PCDH17: variants seen among roughly 807,000 people sequenced by gnomAD.
PCDH17 encodes the protein protocadherin 17.
In PCDH17, 21 loss-of-function variants were observed where a neutral mutation model predicts 67.7. That is an observed-to-expected ratio of 0.31 (90% CI 0.22 to 0.45). The LOEUF (loss-of-function observed/expected upper bound fraction) is 0.45. Among genes scored for constraint, PCDH17 ranks in the 20% least tolerant of loss-of-function variants. PCDH17 has a pLI of 1.00. For synonymous variants in PCDH17, 701 were observed against 656.7 expected (o/e 1.07, Z -1.03); for missense variants, 1,471 against 1,564.8 (o/e 0.94, Z 1.01).
intron 3 of PCDH17, among the ~76,000 whole-genome samples, chr13:57,714,268 C>A (rs757203050): frequency 4.1e-4 from 62 of 151,500 alleles, no homozygotes; most frequent in Non-Finnish European, 8.3e-4. Flanking sequence ...ACAAGATGAA[C>A]AACAGGATTT....
intron 3 of PCDH17, among the ~76,000 whole-genome samples, chr13:57,717,957 T>A (rs1955836229): frequency 6.6e-6 from 1 of 152,014 alleles, no homozygotes; most frequent in South Asian, 2.1e-4. Context: ...CCTCATTATA[T>A]CACTGCCAAC....
At chr13:57,690,083 C>G (rs1255093884) in intron 3 of PCDH17, among the ~76,000 whole-genome samples, 1 of 151,684 alleles carries the variant, frequency 6.6e-6, no homozygotes, top group Non-Finnish European at 1.5e-5. Context: ...TCTTCAGAAT[C>G]TTCACATAAC....
At chr13:57,668,457 T>A (rs990839454) in intron 3 of PCDH17, among the ~76,000 whole-genome samples, 4 of 152,102 alleles carry the variant, frequency 2.6e-5, no homozygotes, top group Admixed American at 2.6e-4. Flanking sequence ...AAACTGCTGT[T>A]CACATTAACT....
At chr13:57,644,129 C>T (rs977984795) in intron 1 of PCDH17, among the ~76,000 whole-genome samples, 2 of 151,536 alleles carry the variant, frequency 1.3e-5, no homozygotes, top group Non-Finnish European at 3.0e-5. Flanking sequence ...GGCAGATGCA[C>T]GGGTAGTAAT....
At chr13:57,708,220 T>C (rs1955739222) in intron 3 of PCDH17, among the ~76,000 whole-genome samples, 2 of 152,028 alleles carry the variant, frequency 1.3e-5, no homozygotes, top group African/African-American at 2.4e-5. Flanking sequence ...TTCTACGTAG[T>C]AAAATGGTTA....
chr13:57,693,129 T>C (rs778305109), intron 3 of PCDH17, among the ~76,000 whole-genome samples: 107 of 150,434 alleles, frequency 7.1e-4, no homozygotes, highest in Non-Finnish European at 1.4e-3. Context: ...ATTTCCACTT[T>C]CATTTATTTC....
chr13:57,690,927 T>G (rs61961891), intron 3 of PCDH17, among the ~76,000 whole-genome samples: 7,702 of 151,570 alleles, frequency 0.051, 259 homozygotes, highest in Middle Eastern at 0.095. Context: ...GAAAATGATA[T>G]CCCTTGTGGT....
At chr13:57,703,944 A>G (rs1285221551) in intron 3 of PCDH17, among the ~76,000 whole-genome samples, 4 of 152,046 alleles carry the variant, frequency 2.6e-5, no homozygotes, top group Non-Finnish European at 4.4e-5. Flanking sequence ...TGTATAGTCT[A>G]CCAGTGATGT....
Position 57,729,221 on chromosome 13 carries a change from A to G in PCDH17, c.*3927A>G, listed in dbSNP as rs1055907243. ...CAACAACAAAAGCAGCATACATTGT[A>G]TGGATTTATCTCAACGCTATTGTTT... On this transcript the variant is annotated 3_prime_UTR_variant, in exon 4 of 4. Transcript: ENST00000377918. The G allele has an allele frequency of 2.0e-5, 3 of 152,140 alleles. No homozygotes were observed. The highest frequency in any genetic ancestry group is 7.2e-5 in the African/African-American group (3 of 41,454). The allele number at this position is 152,140 out of a possible 1,614,324, so 9.4% of individuals were successfully genotyped here.
At chr13:57,676,486 T>A (rs1381083810) in intron 3 of PCDH17, among the ~76,000 whole-genome samples, 1 of 151,866 alleles carries the variant, frequency 6.6e-6, no homozygotes, top group Non-Finnish European at 1.5e-5. Context: ...AAGAGGCAAC[T>A]GGCAATTACA....
rs535137053 is a variant in PCDH17, at chr13:57,651,916, A to T, written c.2566-14552A>T. ...CTTTAGGGTACTGATTTGCAAACAT[A>T]TTCTCTATAAAAACAATATTTCACT... On this transcript the variant is annotated intron_variant, in intron 1 of 3. Coordinates refer to ENST00000377918, the MANE Select transcript of PCDH17 (RefSeq NM_001040429.3). 1.5e-3 allele frequency among the ~76,000 whole-genome samples: 225 copies of T among 152,176 alleles called. 1 individual carries two copies. The highest frequency in any genetic ancestry group is 2.9e-3 in the Non-Finnish European group (199 of 68,026).
intron 1 of PCDH17, among the ~76,000 whole-genome samples, chr13:57,657,695 T>G (rs1019909910): frequency 6.6e-6 from 1 of 152,204 alleles, no homozygotes; most frequent in African/African-American, 2.4e-5. Flanking sequence ...ATTTGTTTTG[T>G]TTAGTTTTCA....
intron 3 of PCDH17, among the ~76,000 whole-genome samples, chr13:57,680,065 A>G (rs74079917): frequency 2.0e-5 from 3 of 151,476 alleles, no homozygotes; most frequent in East Asian, 1.9e-4. Context: ...GTTTGCCTTC[A>G]AAGTGTTTTG....
chr13:57,700,722 T>C (rs2138074877), intron 3 of PCDH17, among the ~76,000 whole-genome samples: 1 of 152,238 alleles, frequency 6.6e-6, no homozygotes, highest in East Asian at 1.9e-4. Context: ...TGGAAAAATA[T>C]TAAGTAAATA....
chr13:57,632,190 T>G lies in PCDH17; in HGVS notation c.-357T>G, dbSNP rs1037668100. On this transcript the variant is annotated 5_prime_UTR_variant, in exon 1 of 4. Coordinates refer to ENST00000377918, the MANE Select transcript of PCDH17 (RefSeq NM_001040429.3). Reference sequence around the variant, plus strand: ...ATCATCTCTCCCAGACGAGATTTCCTTCTTATCGCCTGCCTCATCGCTCAA... The same window carrying G: ...ATCATCTCTCCCAGACGAGATTTCCGTCTTATCGCCTGCCTCATCGCTCAA... 3.0e-6 allele frequency: 1 copy of G among 335,302 alleles called. No individual in the cohort carries two copies. Among genetic ancestry groups the G allele is most frequent in the Non-Finnish European group, 5.5e-6 (1 of 180,330 alleles). 20.8% of individuals were successfully genotyped at this position (335,302 alleles called of 1,614,324 possible).
intron 3 of PCDH17, among the ~76,000 whole-genome samples, chr13:57,671,115 C>A (rs1955315590): frequency 6.6e-6 from 1 of 151,726 alleles, no homozygotes; most frequent in African/African-American, 2.4e-5. Context: ...ATTAGATTTT[C>A]TCCATACCCC....
At chr13:57,635,712 G>A (rs1029850178) in intron 1 of PCDH17, among the ~76,000 whole-genome samples, 1 of 152,148 alleles carries the variant, frequency 6.6e-6, no homozygotes, top group Admixed American at 6.5e-5. Flanking sequence ...TGGTAAAACT[G>A]CAGCATAATG....
intron 3 of PCDH17, among the ~76,000 whole-genome samples, chr13:57,673,508 C>A (rs531474173): frequency 6.6e-6 from 1 of 152,038 alleles, no homozygotes; most frequent in African/African-American, 2.4e-5. Context: ...TCCACGTAAC[C>A]AAGAACATGA....
Position 57,710,185 on chromosome 13 carries a change from A to G in PCDH17, c.2798-14427A>G, listed in dbSNP as rs989650287. 1.1e-4 allele frequency among the ~76,000 whole-genome samples: 16 copies of G among 151,464 alleles called. No homozygotes were observed. In the East Asian group the frequency reaches 2.3e-3, roughly 22 times the overall value. ...GGTGTAAGTTGTTGGTGTAGATGCA[A>G]TCTGCTTCACTGTTGCCACCTGAAT... On this transcript the variant is annotated intron_variant, in intron 3 of 3. Transcript: ENST00000377918.
Sources: gnomAD v4.1 joint callset for allele counts (sites outside exome capture counted in the v4.1 genomes callset) on GRCh38, gnomAD v4.1.1 for gene constraint, MANE v1.5 for transcripts, NCBI Gene and HGNC (gene_info 2026-07-23, HGNC 2026-07-21) for gene names.